The following SRPK2 variants were observed in gnomAD, a reference collection of about 807,000 sequenced individuals.
SRPK2 encodes SFRS protein kinase 2.
In SRPK2, 21 loss-of-function variants were observed where a neutral mutation model predicts 90.8. That is an observed-to-expected ratio of 0.23 (90% CI 0.16 to 0.33). The LOEUF is 0.33. Ranked by LOEUF, SRPK2 falls within the 10% of genes least tolerant of loss-of-function variation. The pLI is 1.00. For synonymous variants in SRPK2, 288 were observed against 311.1 expected (o/e 0.93, Z 0.78); for missense variants, 620 against 869.0 (o/e 0.71, Z 3.60).
At chr7:105,169,912 C>A (rs1047021095) in intron 3 of SRPK2, among the ~76,000 whole-genome samples, 1 of 152,148 alleles carries the variant, frequency 6.6e-6, no homozygotes, top group Admixed American at 6.5e-5. Flanking sequence ...GATTCCCAGG[C>A]TGAAGAGGTC....
At chr7:105,274,615 A>G (rs997455821) in intron 2 of SRPK2, among the ~76,000 whole-genome samples, 7 of 149,562 alleles carry the variant, frequency 4.7e-5, no homozygotes, top group Non-Finnish European at 8.9e-5. Flanking sequence ...AGAGCCATCT[A>G]TGTGCGTGGG....
At chr7:105,141,003 G>GC (rs369709766) in intron 11 of SRPK2, among the ~76,000 whole-genome samples, 1 of 151,824 alleles carries the variant, frequency 6.6e-6, no homozygotes, top group African/African-American at 2.4e-5. Context: ...AAATTGAACT[G>GC]CAACAGCAAC....
intron 2 of SRPK2, among the ~76,000 whole-genome samples, chr7:105,333,443 T>G (rs182173024): frequency 7.2e-5 from 11 of 152,368 alleles, no homozygotes; most frequent in African/African-American, 2.6e-4. Flanking sequence ...AATCATGGAT[T>G]GCTCTGCTCA....
At chr7:105,203,171 G>A (rs1475121172) in intron 3 of SRPK2, among the ~76,000 whole-genome samples, 1 of 151,850 alleles carries the variant, frequency 6.6e-6, no homozygotes. Context: ...TGCACTTTTT[G>A]TAGAGACAGT....
intron 2 of SRPK2, among the ~76,000 whole-genome samples, chr7:105,327,225 T>TG (rs143717474): frequency 0.42 from 63,621 of 152,026 alleles, 15,292 homozygotes; most frequent in Non-Finnish European, 0.54. Flanking sequence ...TTTTAATGGT[T>TG]GGGGAAAAAA....
intron 2 of SRPK2, among the ~76,000 whole-genome samples, chr7:105,346,743 G>A (rs1371658919): frequency 6.6e-6 from 1 of 150,522 alleles, no homozygotes; most frequent in Non-Finnish European, 1.5e-5. Flanking sequence ...GGGTGACAGC[G>A]CAAGACTCCA....
At chr7:105,348,221 G>C (rs1234008527) in intron 2 of SRPK2, among the ~76,000 whole-genome samples, 1 of 151,220 alleles carries the variant, frequency 6.6e-6, no homozygotes, top group Non-Finnish European at 1.5e-5. Flanking sequence ...ACAGGCATGG[G>C]CCACCACGCC....
At chr7:105,306,674 C>A in intron 2 of SRPK2, 2 of 346,126 alleles carry the variant, frequency 5.8e-6, no homozygotes, top group South Asian at 2.3e-5. Context: ...TTAACCGAAA[C>A]ACTCATTTAC....
At position 105,126,256 on chromosome 7, in the gene SRPK2, T is replaced by A; in HGVS notation, c.1907A>T (p.Asn636Ile). 6.2e-7 allele frequency: 1 copy of A among 1,613,186 alleles called. No individual in the cohort carries two copies. The highest frequency in any genetic ancestry group is 8.5e-7 in the Non-Finnish European group (1 of 1,179,116). Reference protein sequence around the residue: ...LSGKYSREFFNRRGELRHITK... With the variant: ...LSGKYSREFFIRRGELRHITK... Reference sequence around the variant, plus strand: ...AAAAGAAGAGGTACTACCTCTGCGATTGAAGAATTCCCGAGAATATTTTCC... The same window carrying A: ...AAAAGAAGAGGTACTACCTCTGCGAATGAAGAATTCCCGAGAATATTTTCC... Residue 636 changes from asparagine (N) to isoleucine (I), a missense_variant, in exon 15 of 16, where the codon AAT (asparagine) becomes ATT (isoleucine). By Grantham distance (149) the Asn-to-Ile change is moderately radical. Around this residue, in one of 8 missense-constraint regions of SRPK2, gnomAD observed 71 missense variants for 123.1 expected, o/e 0.58. Coordinates refer to ENST00000393651, the MANE Select transcript of SRPK2 (RefSeq NM_182692.3).
chr7:105,274,455 G>C (rs181444022), intron 2 of SRPK2, among the ~76,000 whole-genome samples: 1 of 151,860 alleles, frequency 6.6e-6, no homozygotes, highest in Non-Finnish European at 1.5e-5. Flanking sequence ...CCAGCTACTC[G>C]GGAGGCTGAG....
intron 2 of SRPK2, among the ~76,000 whole-genome samples, chr7:105,225,831 T>C (rs914611013): frequency 1.3e-5 from 2 of 151,654 alleles, no homozygotes; most frequent in Non-Finnish European, 2.9e-5. Flanking sequence ...ATTGGGGTTC[T>C]AGACTTCTGC....
chr7:105,348,246 T>C (rs988057227), intron 2 of SRPK2, among the ~76,000 whole-genome samples: 46 of 151,564 alleles, frequency 3.0e-4, no homozygotes, highest in Non-Finnish European at 8.8e-5. Context: ...CAATTCTGTA[T>C]TGTTAATAGA....
intron 2 of SRPK2, among the ~76,000 whole-genome samples, chr7:105,266,213 A>G (rs756232835): frequency 2.6e-5 from 4 of 152,028 alleles, no homozygotes; most frequent in Non-Finnish European, 5.9e-5. Flanking sequence ...TTTTTCAGTG[A>G]AGGACTCTTA....
chr7:105,157,929 G>A (rs926038901), intron 7 of SRPK2, among the ~76,000 whole-genome samples: 3 of 152,044 alleles, frequency 2.0e-5, no homozygotes, highest in Admixed American at 6.6e-5. Flanking sequence ...TAGCTAGCAC[G>A]GTGGTGCATG....
At chr7:105,232,097 T>G (rs1348314162) in intron 2 of SRPK2, among the ~76,000 whole-genome samples, 1 of 152,190 alleles carries the variant, frequency 6.6e-6, no homozygotes, top group Non-Finnish European at 1.5e-5. Context: ...TAAGCAATCC[T>G]CTTGCCTATA....
intron 2 of SRPK2, among the ~76,000 whole-genome samples, chr7:105,350,220 T>G (rs1817001625): frequency 7.0e-6 from 1 of 142,498 alleles, no homozygotes; most frequent in African/African-American, 2.6e-5. Flanking sequence ...AACCTCCGCC[T>G]CCCCTGTTTT....
intron 2 of SRPK2, among the ~76,000 whole-genome samples, chr7:105,274,349 G>A (rs1301356041): frequency 1.3e-5 from 2 of 152,066 alleles, no homozygotes; most frequent in East Asian, 1.9e-4. Context: ...ATCATTTGAG[G>A]TCAGGAGTTC....
rs767913304 is a variant in SRPK2, at chr7:105,385,171, A to ATT, written c.71+3475_71+3476dup. Among the ~76,000 whole-genome samples, 149 of 49,680 alleles carry ATT rather than the reference A, an allele frequency of 3.0e-3. 12 individuals carry two copies. Among genetic ancestry groups the ATT allele is most frequent in the African/African-American group, 8.6e-3 (88 of 10,244 alleles). The allele number at this position is 49,680 out of a possible 152,430, so 32.6% of individuals were successfully genotyped here. A position where few individuals can be genotyped will look rare whatever the true frequency, so the allele number is the denominator to read the frequency against. On this transcript the variant is annotated intron_variant, in intron 2 of 15. Coordinates refer to ENST00000393651, the MANE Select transcript of SRPK2 (RefSeq NM_182692.3). ...ACAGGCGTGAGCCACCGCGCCCGGC[A>ATT]TTTTTTTTTTTTTTTTTTTTTTTTT...
intron 7 of SRPK2, among the ~76,000 whole-genome samples, chr7:105,149,046 G>A (rs967113548): frequency 1.3e-5 from 2 of 152,170 alleles, no homozygotes; most frequent in African/African-American, 4.8e-5. Flanking sequence ...TGGCCTCGTG[G>A]GATGAGAAAG....
Sources: allele counts gnomAD v4.1 joint callset (sites outside exome capture counted in the v4.1 genomes callset), GRCh38; gene constraint gnomAD v4.1.1; regional missense constraint gnomAD v4.1.1; transcripts MANE v1.5; gene names NCBI Gene and HGNC (gene_info 2026-07-23, HGNC 2026-07-21).